The following RAD51B variants were observed in gnomAD, a reference collection of about 807,000 sequenced individuals.
The protein encoded by RAD51B is RAD51 paralog B, also known as DNA repair protein RAD51 homolog 2.
In RAD51B, 38 loss-of-function variants were observed where a neutral mutation model predicts 42.2. The observed-to-expected ratio is 0.90, with a 90% confidence interval of 0.70 to 1.18. RAD51B has a LOEUF of 1.18. Ranked by LOEUF, RAD51B falls within the 50% of genes most tolerant of loss-of-function variation. RAD51B has a pLI of 0.00. For synonymous variants in RAD51B, 154 were observed against 145.2 expected (o/e 1.06, Z -0.43); for missense variants, 373 against 400.7 (o/e 0.93, Z 0.59).
intron 10 of RAD51B, among the ~76,000 whole-genome samples, chr14:68,528,334 A>G (rs1323024096): frequency 6.6e-6 from 1 of 152,238 alleles, no homozygotes; most frequent in East Asian, 1.9e-4. Context: ...TAATTAACTC[A>G]GATTTTGGGC....
intron 8 of RAD51B, among the ~76,000 whole-genome samples, chr14:68,366,044 AC>A (rs1485101103): frequency 6.6e-6 from 1 of 152,218 alleles, no homozygotes; most frequent in African/African-American, 2.4e-5. Flanking sequence ...AATTAAAAAT[AC>A]TTTTTTTGAT....
intron 8 of RAD51B, among the ~76,000 whole-genome samples, chr14:68,404,043 C>T (rs1340849002): frequency 6.6e-6 from 1 of 152,224 alleles, no homozygotes; most frequent in Non-Finnish European, 1.5e-5. Context: ...AATGTTCCCA[C>T]AGTCTTTTAC....
intron 11 of RAD51B, among the ~76,000 whole-genome samples, chr14:68,673,856 CAT>C (rs1384152761): frequency 7.1e-6 from 1 of 141,000 alleles, no homozygotes; most frequent in African/African-American, 2.8e-5. Context: ...CATGCACACT[CAT>C]ACATGTACAC....
At chr14:68,339,982 G>C (rs1170767167) in intron 8 of RAD51B, among the ~76,000 whole-genome samples, 1 of 152,194 alleles carries the variant, frequency 6.6e-6, no homozygotes, top group Non-Finnish European at 1.5e-5. Flanking sequence ...AGAGAAGGCT[G>C]CTACTTTTTC....
At chr14:68,314,906 G>A (rs1566803195) in intron 8 of RAD51B, among the ~76,000 whole-genome samples, 1 of 152,230 alleles carries the variant, frequency 6.6e-6, no homozygotes, top group Admixed American at 6.5e-5. Context: ...ACGGCAGCTA[G>A]TGACACTTTG....
At chr14:68,430,422 A>C (rs1173021378) in intron 9 of RAD51B, among the ~76,000 whole-genome samples, 2 of 151,982 alleles carry the variant, frequency 1.3e-5, no homozygotes, top group South Asian at 2.1e-4. Context: ...CTTTTATTTC[A>C]TTGACCAGTG....
intron 8 of RAD51B, chr14:68,338,833 T>A: frequency 1.7e-6 from 1 of 600,228 alleles, no homozygotes; most frequent in East Asian, 4.0e-5. Context: ...TGACAGTGGA[T>A]CTCATCGTAT....
Position 67,933,051 on chromosome 14 carries a change from T to A in RAD51B, c.756+45847T>A, listed in dbSNP as rs1009078788. Among the ~76,000 whole-genome samples, 4 of 152,348 alleles carry A rather than the reference T, an allele frequency of 2.6e-5. No homozygotes were observed. In the South Asian group the frequency reaches 6.2e-4, roughly 24 times the overall value. On this transcript the variant is annotated intron_variant, in intron 7 of 10. Coordinates refer to ENST00000471583, the MANE Select transcript of RAD51B (RefSeq NM_133510.4). ...TGCTTCCAGCTCCAGACAGCTATTA[T>A]GCTTACCCATCTGGGTTCCTAGTGA...
chr14:68,101,843 G>A (rs1402386563), intron 7 of RAD51B, among the ~76,000 whole-genome samples: 3 of 152,192 alleles, frequency 2.0e-5, no homozygotes, highest in African/African-American at 4.8e-5. Context: ...GCTCCAACCC[G>A]ACATTTCCCT....
intron 5 of RAD51B, among the ~76,000 whole-genome samples, chr14:67,873,220 A>G (rs2042604095): frequency 6.6e-6 from 1 of 152,196 alleles, no homozygotes; most frequent in Non-Finnish European, 1.5e-5. Context: ...CAGAATCTAC[A>G]ATGAACTCAA....
intron 5 of RAD51B, among the ~76,000 whole-genome samples, chr14:67,884,558 C>T (rs1053704619): frequency 2.0e-5 from 3 of 152,116 alleles, no homozygotes; most frequent in African/African-American, 7.2e-5. Context: ...TACACTTTTC[C>T]CCCAAACCCT....
chr14:68,153,237 A>G (rs951971025), intron 7 of RAD51B, among the ~76,000 whole-genome samples: 1 of 152,226 alleles, frequency 6.6e-6, no homozygotes, highest in Non-Finnish European at 1.5e-5. Context: ...TTAGTTATAA[A>G]TCCCACACTC....
intron 10 of RAD51B, among the ~76,000 whole-genome samples, chr14:68,560,751 A>T (rs562525853): frequency 6.6e-6 from 1 of 152,042 alleles, no homozygotes; most frequent in Non-Finnish European, 1.5e-5. Context: ...ACAAAAAGTG[A>T]CCTTCAGAAG....
chr14:68,429,116 G>T, intron 9 of RAD51B, among the ~76,000 whole-genome samples: 1 of 151,994 alleles, frequency 6.6e-6, no homozygotes, highest in Non-Finnish European at 1.5e-5. Context: ...AGTATTCCAC[G>T]GTGTATATGT....
chr14:68,141,659 T>C (rs2078131090), intron 7 of RAD51B, among the ~76,000 whole-genome samples: 2 of 152,358 alleles, frequency 1.3e-5, no homozygotes, highest in East Asian at 3.9e-4. Context: ...TTTTTTGATA[T>C]TCAGTATGTT....
intron 8 of RAD51B, among the ~76,000 whole-genome samples, chr14:68,350,922 C>T (rs962086440): frequency 3.9e-5 from 6 of 152,216 alleles, no homozygotes; most frequent in African/African-American, 1.4e-4. Flanking sequence ...AATAGGATGG[C>T]ACCAGGCAAT....
chr14:68,509,901 G>A (rs995167413), intron 10 of RAD51B, among the ~76,000 whole-genome samples: 1 of 152,226 alleles, frequency 6.6e-6, no homozygotes, highest in Non-Finnish European at 1.5e-5. Context: ...TTAGCTTATG[G>A]GGGGTGCCCC....
intron 9 of RAD51B, among the ~76,000 whole-genome samples, chr14:68,439,930 G>A (rs1396375603): frequency 6.6e-6 from 1 of 152,108 alleles, no homozygotes; most frequent in Non-Finnish European, 1.5e-5. Flanking sequence ...CCCTTTAATT[G>A]GTTCATGTCG....
intron 8 of RAD51B, among the ~76,000 whole-genome samples, chr14:68,354,866 A>G (rs1390774995): frequency 2.6e-5 from 4 of 152,154 alleles, no homozygotes; most frequent in African/African-American, 9.7e-5. Flanking sequence ...CAGAATTTTG[A>G]CGTGGGAGCC....
Sources: gnomAD v4.1 joint callset for allele counts (sites outside exome capture counted in the v4.1 genomes callset) on GRCh38, gnomAD v4.1.1 for gene constraint, MANE v1.5 for transcripts, NCBI Gene and HGNC (gene_info 2026-07-23, HGNC 2026-07-21) for gene names.